The following TADA2B variants were observed in gnomAD, a reference collection of about 807,000 sequenced individuals.
TADA2B encodes the protein transcriptional adapter 2-beta.
TADA2B carries 13 observed loss-of-function variants against 34.5 expected under a neutral mutation model. The observed-to-expected ratio is 0.38, with a 90% CI of 0.25 to 0.60. The LOEUF is 0.60. Among genes scored for constraint, TADA2B ranks in the 20% least tolerant of loss-of-function variants. The pLI, the probability that TADA2B is intolerant of heterozygous loss-of-function variation, is 0.65. For synonymous variants in TADA2B, 240 were observed against 243.4 expected (o/e 0.99, Z 0.13); for missense variants, 442 against 575.0 (o/e 0.77, Z 2.37).
intron 1 of TADA2B, among the ~76,000 whole-genome samples, chr4:7,050,219 C>T (rs1465376663): frequency 2.6e-5 from 4 of 152,256 alleles, no homozygotes; most frequent in African/African-American, 9.6e-5. Context: ...TTACCTTGCT[C>T]TGCCCCTGGG....
At chr4:7,044,004 C>G (rs1723553728) in intron 1 of TADA2B, among the ~76,000 whole-genome samples, 155 bp downstream of exon 1, 2 of 152,254 alleles carry the variant, frequency 1.3e-5, no homozygotes, top group South Asian at 4.1e-4. Context: ...GGTTTATAGT[C>G]GGGCACCTGT....
At chr4:7,044,987 C>A (rs1723590743) in intron 1 of TADA2B, 1 of 152,412 alleles carries the variant, frequency 6.6e-6, no homozygotes, top group Admixed American at 6.5e-5. Flanking sequence ...TACCTAATGG[C>A]CACCAGCACT....
At chr4:7,048,051 G>A (rs1234822102) in intron 1 of TADA2B, among the ~76,000 whole-genome samples, 5 of 152,218 alleles carry the variant, frequency 3.3e-5, no homozygotes, top group East Asian at 1.9e-4. Context: ...AGAACCATCC[G>A]TTTCATTGTT....
chr4:7,045,068 T>C (rs1723592019), intron 1 of TADA2B: 1 of 152,312 alleles, frequency 6.6e-6, no homozygotes, highest in Non-Finnish European at 1.5e-5. Context: ...GCACTGAGCA[T>C]GTGTTCTGTG....
chr4:7,045,119 G>C (rs973929297), intron 1 of TADA2B: 2 of 152,296 alleles, frequency 1.3e-5, no homozygotes, highest in Non-Finnish European at 2.9e-5. Flanking sequence ...GAAAGAGAAG[G>C]CTTTATCCCT....
intron 1 of TADA2B, 84 bp downstream of exon 1, chr4:7,043,933 TGGAC>T: frequency 7.3e-7 from 1 of 1,369,966 alleles, no homozygotes; most frequent in Non-Finnish European, 9.4e-7. Context: ...CAGGCAGCGC[TGGAC>T]CTGCTCGCTC....
At position 7,054,106 on chromosome 4, in the gene TADA2B, G is replaced by A. The variant is rs1453437700; in HGVS notation, c.315G>A (p.Glu105=). The A allele has an allele frequency of 6.2e-7, 1 of 1,601,018 alleles. No homozygotes were observed. The change falls in exon 2 of 2, where the codon GAG becomes GAA. Residue 105 remains glutamate (E), a synonymous_variant. Transcript: ENST00000310074. ...TTGGTGCTTCCCGGACTCCCCAAGA[G>A]GTGATGGAGCATTACGTGAGCATGT... ...AHVGASRTPQ[E]VMEHYVSMYI...
rs1194229230 is a variant in TADA2B, at chr4:7,056,472, CA to C, written c.*1419del. The C allele has an allele frequency of 2.0e-5, 3 of 152,542 alleles. No homozygotes were observed. Among genetic ancestry groups the C allele is most frequent in the Non-Finnish European group, 2.9e-5 (2 of 68,024 alleles). 9.4% of individuals were successfully genotyped at this position (152,542 alleles called of 1,614,324 possible). A position where few individuals can be genotyped will look rare whatever the true frequency, so the allele number is the denominator to read the frequency against. ...AGGTACCAAGAGACTGTTTACCTCC[CA>C]GAATGTTTGGGCTTGAAGTTACATT... On this transcript the variant is annotated 3_prime_UTR_variant, in exon 2 of 2. Coordinates refer to ENST00000310074, the MANE Select transcript of TADA2B (RefSeq NM_152293.3).
intron 1 of TADA2B, among the ~76,000 whole-genome samples, chr4:7,051,074 T>C (rs1723757049): frequency 6.6e-6 from 1 of 152,180 alleles, no homozygotes; most frequent in Non-Finnish European, 1.5e-5. Context: ...GCTTATCTGC[T>C]GTTGTTTTAA....
Position 7,054,268 on chromosome 4 carries a change from T to C in TADA2B, c.477T>C (p.Ala159=). 1 of 1,612,540 alleles carries C rather than the reference T, an allele frequency of 6.2e-7. No individual in the cohort carries two copies. Among genetic ancestry groups the C allele is most frequent in the Non-Finnish European group, 8.5e-7 (1 of 1,179,486 alleles). ...TPLPPLDISV[A]EQQQLGYMPL... is the part of the protein sequence containing the mutation. ...TGCCCCCGCTGGACATCTCTGTGGC[T>C]GAGCAGCAGCAGCTGGGCTACATGC... is the stretch of plus-strand genomic sequence containing the variant. The change falls in exon 2 of 2, where the codon GCT becomes GCC. Residue 159 remains alanine, a synonymous_variant. Coordinates refer to ENST00000310074, the MANE Select transcript of TADA2B (RefSeq NM_152293.3).
chr4:7,050,612 G>A (rs1433712023), intron 1 of TADA2B, among the ~76,000 whole-genome samples: 1 of 152,230 alleles, frequency 6.6e-6, no homozygotes, highest in East Asian at 1.9e-4. Flanking sequence ...AGAGCCGCAG[G>A]GCTTTGCGGC....
chr4:7,050,295 C>T lies in TADA2B; in HGVS notation c.271-3767C>T, dbSNP rs1043016902. On this transcript the variant is annotated intron_variant, in intron 1 of 1. Coordinates refer to ENST00000310074, the MANE Select transcript of TADA2B (RefSeq NM_152293.3). ...CCCTGTCCCATGGATTCCATTGCCT[C>T]CTGGCCCTGCAGGGGCCACCAGTGT... 2.6e-5 allele frequency among the ~76,000 whole-genome samples: 4 copies of T among 152,200 alleles called. No individual in the cohort carries two copies. In the East Asian group the frequency reaches 7.7e-4, roughly 29 times the overall value.
intron 1 of TADA2B, among the ~76,000 whole-genome samples, chr4:7,049,287 C>T (rs1723710449): frequency 6.6e-6 from 1 of 152,184 alleles, no homozygotes; most frequent in African/African-American, 2.4e-5. Flanking sequence ...CCATGTTGTT[C>T]AGGCTGGTCA....
intron 1 of TADA2B, chr4:7,045,733 G>T (rs1723612544): frequency 6.6e-6 from 1 of 152,276 alleles, no homozygotes; most frequent in Admixed American, 6.5e-5. Context: ...TTTCCCGACA[G>T]CCCTTGGCAG....
intron 1 of TADA2B, among the ~76,000 whole-genome samples, chr4:7,046,924 G>C (rs925348071): frequency 6.6e-6 from 1 of 152,126 alleles, no homozygotes; most frequent in African/African-American, 2.4e-5. Flanking sequence ...GGATGTAGCT[G>C]AGCAGGGTTA....
At position 7,055,086 on chromosome 4, in the gene TADA2B, T is replaced by C; in HGVS notation, c.*32T>C. On this transcript the variant is annotated 3_prime_UTR_variant, in exon 2 of 2. Coordinates refer to ENST00000310074, the MANE Select transcript of TADA2B (RefSeq NM_152293.3). ...GACGCTTTGAAAGCCAGGGTGATGCTCAGACAGTGTGCCAGCCAAAATGAC... is the reference window on the plus strand; with the variant it reads ...GACGCTTTGAAAGCCAGGGTGATGCCCAGACAGTGTGCCAGCCAAAATGAC... 2 of 1,562,742 alleles carry C rather than the reference T, an allele frequency of 1.3e-6. No homozygotes were observed. The highest frequency in any genetic ancestry group is 1.7e-6 in the Non-Finnish European group (2 of 1,155,610).
In TADA2B at chr4:7,056,302, T is replaced by C. The variant is rs1435523778; in HGVS notation, c.*1248T>C. ...CTCTTTCAAGGATGTCCACGGTACC[T>C]TCCTCCTGAAACTTGAGGAAGTCTT... On this transcript the variant is annotated 3_prime_UTR_variant, in exon 2 of 2. Transcript: ENST00000310074. The C allele has an allele frequency of 2.0e-5, 3 of 152,632 alleles. No homozygotes were observed. Among genetic ancestry groups the C allele is most frequent in the African/African-American group, 7.2e-5 (3 of 41,448 alleles). The allele number at this position is 152,632 out of a possible 1,614,324, so 9.5% of individuals were successfully genotyped here.
intron 1 of TADA2B, among the ~76,000 whole-genome samples, chr4:7,051,887 G>A (rs1286768127): frequency 6.6e-6 from 1 of 152,216 alleles, no homozygotes; most frequent in Non-Finnish European, 1.5e-5. Flanking sequence ...GTGAGCCACC[G>A]TGCCCAGCCG....
chr4:7,055,246 G>A lies in TADA2B; in HGVS notation c.*192G>A, dbSNP rs1207352483. On this transcript the variant is annotated 3_prime_UTR_variant, in exon 2 of 2. Transcript: ENST00000310074. Reference sequence around the variant, plus strand: ...AATCTTATATTGGATCATGGGGGAAGCAAATGTGTGTATTTTAAGTGAGTT... The same window carrying A: ...AATCTTATATTGGATCATGGGGGAAACAAATGTGTGTATTTTAAGTGAGTT... 3 of 611,028 alleles carry A rather than the reference G, an allele frequency of 4.9e-6. No individual in the cohort carries two copies. Among genetic ancestry groups the A allele is most frequent in the Non-Finnish European group, 8.4e-6 (3 of 356,826 alleles). The allele number at this position is 611,028 out of a possible 1,614,324, so 37.9% of individuals were successfully genotyped here.
Sources: allele counts gnomAD v4.1 joint callset (sites outside exome capture counted in the v4.1 genomes callset), GRCh38; gene constraint gnomAD v4.1.1; transcripts MANE v1.5; gene names NCBI Gene and HGNC (gene_info 2026-07-23, HGNC 2026-07-21).